Variants in ATF7IP2 observed in about 807,000 individuals in gnomAD.
The protein encoded by ATF7IP2 is activating transcription factor 7 interacting protein 2, also known as activating transcription factor 7-interacting protein 2.
ATF7IP2 carries 42 observed loss-of-function variants against 64.2 expected under a neutral mutation model. The ratio of observed to expected loss-of-function variants is 0.65; its 90% CI spans 0.51 to 0.85. The LOEUF (loss-of-function observed/expected upper bound fraction) is 0.85. Ranked by LOEUF, ATF7IP2 falls within the 40% of genes least tolerant of loss-of-function variation. The pLI is 0.00. For missense variants in ATF7IP2, 933 were observed against 784.2 expected (o/e 1.19, Z -2.27); for synonymous variants, 308 against 272.8 (o/e 1.13, Z -1.27).
intron 1 of ATF7IP2, among the ~76,000 whole-genome samples, chr16:10,398,746 G>C (rs968190008): frequency 3.9e-5 from 6 of 152,062 alleles, no homozygotes; most frequent in African/African-American, 7.2e-5. Context: ...GAGTAGAAAG[G>C]TGATTTTACA....
chr16:10,459,694 T>C (rs959323423), intron 9 of ATF7IP2, among the ~76,000 whole-genome samples: 1 of 152,096 alleles, frequency 6.6e-6, no homozygotes, highest in Non-Finnish European at 1.5e-5. Flanking sequence ...AGAAAAACCA[T>C]TATCAACTCA....
intron 2 of ATF7IP2, among the ~76,000 whole-genome samples, chr16:10,418,923 C>T (rs558959827): frequency 6.6e-6 from 1 of 152,294 alleles, no homozygotes; most frequent in South Asian, 2.1e-4. Context: ...CCGTTTTGTT[C>T]AGACCAACTG....
intron 9 of ATF7IP2, among the ~76,000 whole-genome samples, chr16:10,459,193 G>A (rs2049286052): frequency 6.6e-6 from 1 of 152,104 alleles, no homozygotes; most frequent in South Asian, 2.1e-4. Context: ...ATTAGGCCCG[G>A]TGCGGTGGCT....
At chr16:10,427,345 T>A (rs879023326) in intron 3 of ATF7IP2, among the ~76,000 whole-genome samples, 3 of 152,288 alleles carry the variant, frequency 2.0e-5, no homozygotes, top group Admixed American at 2.0e-4. Context: ...TCCAAGTAGA[T>A]TGGCTAAAAT....
At position 10,482,476 on chromosome 16, in the gene ATF7IP2, C is replaced by T. The variant is rs1329417766; in HGVS notation, c.*227C>T. On this transcript the variant is annotated 3_prime_UTR_variant, in exon 14 of 14. Coordinates refer to ENST00000562102, the MANE Select transcript of ATF7IP2 (RefSeq NM_001393719.1). ...TCTAAAACATACGCTATCATTGGCC[C>T]ATGTTGCTGAGGTGCATTGTGAACA... 2 of 384,574 alleles carry T rather than the reference C, an allele frequency of 5.2e-6. No homozygotes were observed. Among genetic ancestry groups the T allele is most frequent in the East Asian group, 9.9e-5 (2 of 20,188 alleles). The allele number at this position is 384,574 out of a possible 1,614,324, so 23.8% of individuals were successfully genotyped here.
At chr16:10,427,441 C>T (rs1466664709) in intron 3 of ATF7IP2, among the ~76,000 whole-genome samples, 6 of 152,162 alleles carry the variant, frequency 3.9e-5, no homozygotes, top group Admixed American at 3.3e-4. Context: ...ACTGGTAAAA[C>T]TGCTCCAGGA....
At chr16:10,434,952 G>A (rs1019800484) in intron 6 of ATF7IP2, among the ~76,000 whole-genome samples, 8 of 152,122 alleles carry the variant, frequency 5.3e-5, no homozygotes, top group Non-Finnish European at 1.0e-4. Flanking sequence ...TGTATTTTTA[G>A]TAGAGACAGA....
chr16:10,400,631 G>T lies in ATF7IP2; in HGVS notation c.-241-13943G>T, dbSNP rs117938548. On this transcript the variant is annotated intron_variant, in intron 1 of 13. Coordinates refer to ENST00000562102, the MANE Select transcript of ATF7IP2 (RefSeq NM_001393719.1). ...GTATGATTTTGGCTGTGGGTTTGTT[G>T]TATATGGCCTTATGGCCTTTATTAT... Among the ~76,000 whole-genome samples the T allele has an allele frequency of 4.6e-4, 70 of 152,266 alleles. No homozygotes were observed. In the East Asian group the frequency reaches 0.014, roughly 29 times the overall value.
At chr16:10,470,458 C>T (rs1447776992) in intron 9 of ATF7IP2, among the ~76,000 whole-genome samples, 1 of 152,064 alleles carries the variant, frequency 6.6e-6, no homozygotes, top group Non-Finnish European at 1.5e-5. Context: ...CTATCAATGC[C>T]TCAGCCGTTT....
At chr16:10,402,622 C>G (rs1462882241) in intron 1 of ATF7IP2, among the ~76,000 whole-genome samples, 1 of 152,022 alleles carries the variant, frequency 6.6e-6, no homozygotes, top group African/African-American at 2.4e-5. Flanking sequence ...TGCCACCATG[C>G]TTGGCTAATT....
At chr16:10,402,256 C>G (rs1174923334) in intron 1 of ATF7IP2, among the ~76,000 whole-genome samples, 1 of 151,960 alleles carries the variant, frequency 6.6e-6, no homozygotes, top group Non-Finnish European at 1.5e-5. Context: ...TTGCTATATC[C>G]CAGAAGTTTT....
chr16:10,469,739 G>A lies in ATF7IP2; in HGVS notation c.1353-2371G>A, dbSNP rs529100786. On this transcript the variant is annotated intron_variant, in intron 9 of 13. Coordinates refer to ENST00000562102, the MANE Select transcript of ATF7IP2 (RefSeq NM_001393719.1). Reference sequence around the variant, plus strand: ...TGCGGTGAGCCGAGATCATGCCACTGCACTCCAGCCTGGGAAACGAGCAAA... The same window carrying A: ...TGCGGTGAGCCGAGATCATGCCACTACACTCCAGCCTGGGAAACGAGCAAA... 3.4e-4 allele frequency among the ~76,000 whole-genome samples: 52 copies of A among 152,210 alleles called. 1 individual carries two copies. In the South Asian group the frequency reaches 0.01, roughly 30 times the overall value.
At chr16:10,425,352 G>A (rs1040446811) in intron 3 of ATF7IP2, among the ~76,000 whole-genome samples, 12 of 151,310 alleles carry the variant, frequency 7.9e-5, no homozygotes, top group East Asian at 1.9e-4. Flanking sequence ...TTACACAGGC[G>A]TGAGCCACTG....
chr16:10,481,976 T>C lies in ATF7IP2; in HGVS notation c.1776T>C (p.Ile592=). The part of the protein sequence containing the change: ...KVKRVFRPNG[I]ALTWNITKIN... ...AACGGGTTTTCAGACCCAATGGCAT[T>C]GCCCTGACTTGGAATATAACCAAAA... Residue 592 remains isoleucine (I), a synonymous_variant, in exon 14 of 14, where the codon ATT becomes ATC. Transcript: ENST00000562102. 6.2e-7 allele frequency: 1 copy of C among 1,614,154 alleles called. No homozygotes were observed. Among genetic ancestry groups the C allele is most frequent in the Non-Finnish European group, 8.5e-7 (1 of 1,180,024 alleles).
chr16:10,416,496 A>G (rs2047881747), intron 2 of ATF7IP2, among the ~76,000 whole-genome samples: 1 of 152,154 alleles, frequency 6.6e-6, no homozygotes, highest in Non-Finnish European at 1.5e-5. Flanking sequence ...ATGGGTATAA[A>G]AAGTAGTTAG....
intron 3 of ATF7IP2, among the ~76,000 whole-genome samples, chr16:10,423,654 C>T (rs2048029916): frequency 6.6e-6 from 1 of 152,168 alleles, no homozygotes; most frequent in Non-Finnish European, 1.5e-5. Flanking sequence ...TGAGGGGGTG[C>T]AGAAGGGTAG....
Position 10,431,185 on chromosome 16 carries a change from G to A in ATF7IP2, c.565G>A (p.Val189Met), listed in dbSNP as rs369166200. The A allele has an allele frequency of 6.6e-5, 107 of 1,614,048 alleles. No individual in the cohort carries two copies. The highest frequency in any genetic ancestry group is 8.1e-5 in the Non-Finnish European group (96 of 1,180,040). The change falls in exon 5 of 14, where the codon GTG (valine) becomes ATG (methionine). Residue 189 changes from valine (V) to methionine (M), a missense_variant. By Grantham distance (21) the Val-to-Met change is conservative (BLOSUM62 1). Transcript: ENST00000562102. ...GCCAGAGTCTACAGTAACCAGTACC[G>A]TGGGTGACAAGAAAACTGACCAGAT... is the stretch of plus-strand genomic sequence containing the variant. ...QMPESTVTSTVGDKKTDQMVF... is the reference protein window; with the variant it reads ...QMPESTVTSTMGDKKTDQMVF...
intron 1 of ATF7IP2, among the ~76,000 whole-genome samples, chr16:10,398,908 G>T (rs1366172674): frequency 1.3e-5 from 2 of 152,228 alleles, no homozygotes; most frequent in African/African-American, 4.8e-5. Context: ...GAGGTCAGGA[G>T]TTCAAGACCA....
At chr16:10,422,206 C>G (rs925359969) in intron 3 of ATF7IP2, among the ~76,000 whole-genome samples, 1 of 152,170 alleles carries the variant, frequency 6.6e-6, no homozygotes, top group Non-Finnish European at 1.5e-5. Flanking sequence ...TTGTTCTATC[C>G]AAATTGGCTT....
Sources: allele counts gnomAD v4.1 joint callset (sites outside exome capture counted in the v4.1 genomes callset), GRCh38; gene constraint gnomAD v4.1.1; transcripts MANE v1.5; gene names NCBI Gene and HGNC (gene_info 2026-07-23, HGNC 2026-07-21).